Variants in GSE1 observed in about 807,000 individuals in gnomAD.
GSE1 encodes the protein genetic suppressor element 1.
GSE1 carries 32 observed loss-of-function variants against 112.6 expected under a neutral mutation model. The observed-to-expected ratio is 0.28, with a 90% confidence interval of 0.21 to 0.38. The LOEUF (loss-of-function observed/expected upper bound fraction) is 0.38. Among genes scored for constraint, GSE1 ranks in the 10% least tolerant of loss-of-function variants. The pLI is 1.00. For missense variants in GSE1, 2,348 were observed against 1,699.2 expected, an observed-to-expected ratio of 1.38 and a Z score of -6.71; for synonymous variants, 1,115 against 735.6, an observed-to-expected ratio of 1.52 and a Z score of -8.35.
chr16:85,434,536 G>T (rs1376863174), intron 2 of GSE1, among the ~76,000 whole-genome samples: 1 of 152,180 alleles, frequency 6.6e-6, no homozygotes, highest in Non-Finnish European at 1.5e-5. Context: ...GTCAGAGCCA[G>T]GCTGGTCACG....
intron 1 of GSE1, among the ~76,000 whole-genome samples, chr16:85,241,238 G>A (rs1397482702): frequency 2.0e-5 from 3 of 152,188 alleles, no homozygotes; most frequent in Non-Finnish European, 4.4e-5. Context: ...TCAGTTCTTT[G>A]TGTCTGTAAA....
chr16:85,614,200 G>A (rs2048212817), intron 1 of GSE1, among the ~76,000 whole-genome samples: 1 of 150,862 alleles, frequency 6.6e-6, no homozygotes, highest in South Asian at 2.1e-4. Flanking sequence ...TTCCTGCTCC[G>A]CCTGGATGCG....
chr16:85,223,465 G>A (rs1459700831), intron 1 of GSE1, among the ~76,000 whole-genome samples: 1 of 150,662 alleles, frequency 6.6e-6, no homozygotes, highest in African/African-American at 2.4e-5. Flanking sequence ...GGAGGCTGCA[G>A]TGAGCCAAGA....
At chr16:85,385,734 G>A (rs1310468123) in intron 2 of GSE1, among the ~76,000 whole-genome samples, 1 of 152,198 alleles carries the variant, frequency 6.6e-6, no homozygotes, top group African/African-American at 2.4e-5. Context: ...ATCCATCCTG[G>A]AGCCCTTCCG....
At chr16:85,620,727 GTCTCAGCCTTGGGTCTCTGCACTGT>G (rs1267864304) in intron 1 of GSE1, among the ~76,000 whole-genome samples, 7 of 152,282 alleles carry the variant, frequency 4.6e-5, no homozygotes, top group South Asian at 2.1e-4. Flanking sequence ...CGTTTAGATG[GTCTCAGCCTTGGGTCTCTGCACTGT>G]TCTCAGCCCT....
chr16:85,355,554 G>A (rs574425765), intron 1 of GSE1, among the ~76,000 whole-genome samples: 321 of 152,320 alleles, frequency 2.1e-3, no homozygotes, highest in Admixed American at 3.5e-3. Flanking sequence ...GGCTGAGGGC[G>A]GGGAGCAGGG....
At chr16:85,642,920 C>T (rs2050561152) in intron 2 of GSE1, among the ~76,000 whole-genome samples, 1 of 152,124 alleles carries the variant, frequency 6.6e-6, no homozygotes, top group Non-Finnish European at 1.5e-5. Flanking sequence ...AGGCCACGCC[C>T]GCCTCGGTCT....
rs765558880 is a variant in GSE1 at position 85,654,844 on chromosome 16, A to G, written c.650A>G (p.Asp217Gly). ...GTGCCCCCCAGTACCGTGACCGAGG[A>G]CTACCTGAGAAGCTTCCGGCCCTAC... ...HVVPPSTVTE[D>G]YLRSFRPYHT... is the part of the protein sequence containing the mutation. Residue 217 changes from aspartate (D) to glycine (G), a missense_variant, in exon 5 of 16, where the codon GAC (aspartate) becomes GGC (glycine). Asp to Gly is a moderately conservative substitution (Grantham distance 94). Coordinates refer to ENST00000253458, the MANE Select transcript of GSE1 (RefSeq NM_014615.5). 1.2e-6 allele frequency: 2 copies of G among 1,611,566 alleles called. No homozygotes were observed. The highest frequency in any genetic ancestry group is 1.7e-6 in the Non-Finnish European group (2 of 1,179,486).
At chr16:85,619,669 C>G (rs2048606238) in intron 1 of GSE1, among the ~76,000 whole-genome samples, 1 of 152,196 alleles carries the variant, frequency 6.6e-6, no homozygotes, top group African/African-American at 2.4e-5. Flanking sequence ...ATTTCTGTAT[C>G]CAGAGGTGCT....
intron 1 of GSE1, among the ~76,000 whole-genome samples, chr16:85,177,320 T>C (rs2074487717): frequency 6.6e-6 from 1 of 152,226 alleles, no homozygotes; most frequent in Non-Finnish European, 1.5e-5. Context: ...GGGCACCTTT[T>C]ATTGGCTGGG....
chr16:85,229,967 T>A (rs1307155025), intron 1 of GSE1, among the ~76,000 whole-genome samples: 1 of 152,172 alleles, frequency 6.6e-6, no homozygotes, highest in African/African-American at 2.4e-5. Flanking sequence ...GGTCCAGTTG[T>A]CCAGGGCTGT....
At chr16:85,506,559 G>A (rs992630147) in intron 2 of GSE1, among the ~76,000 whole-genome samples, 1 of 152,096 alleles carries the variant, frequency 6.6e-6, no homozygotes, top group East Asian at 1.9e-4. Flanking sequence ...TAGTGCAGAA[G>A]GCGTGTTTTG....
intron 2 of GSE1, among the ~76,000 whole-genome samples, chr16:85,408,097 C>A (rs1367426063): frequency 1.9e-5 from 1 of 53,102 alleles, no homozygotes; most frequent in Non-Finnish European, 3.9e-5. Context: ...CTCAGGGCCC[C>A]CCTGGATAAT....
chr16:85,496,554 G>A (rs1293134832), intron 2 of GSE1, among the ~76,000 whole-genome samples: 1 of 152,250 alleles, frequency 6.6e-6, no homozygotes, highest in Non-Finnish European at 1.5e-5. Context: ...TGGGCAGGGG[G>A]GCCGACCCAC....
chr16:85,235,570 T>G (rs1335703960), intron 1 of GSE1, among the ~76,000 whole-genome samples: 5 of 24,312 alleles, frequency 2.1e-4, no homozygotes, highest in South Asian at 5.1e-3. Context: ...TATGTGTGTG[T>G]GTGGGTGGGG....
intron 2 of GSE1, among the ~76,000 whole-genome samples, chr16:85,369,104 A>G (rs1053098449): frequency 6.6e-6 from 1 of 152,192 alleles, no homozygotes; most frequent in Non-Finnish European, 1.5e-5. Context: ...ACGAGGCTAA[A>G]TTCGAGGTGT....
intron 12 of GSE1, 62 bp from the exon 13 acceptor site, chr16:85,665,914 G>C (rs894687652): frequency 2.0e-6 from 3 of 1,515,210 alleles, no homozygotes; most frequent in African/African-American, 2.7e-5. Flanking sequence ...GGATCTGCGT[G>C]CTGGACACTC....
intron 1 of GSE1, among the ~76,000 whole-genome samples, chr16:85,272,723 C>T (rs1908963976): frequency 6.9e-6 from 1 of 145,620 alleles, no homozygotes; most frequent in South Asian, 2.1e-4. Context: ...TGCAAGGGGG[C>T]CCTACTTCTT....
chr16:85,201,037 G>T (rs2075019021), intron 1 of GSE1, among the ~76,000 whole-genome samples: 1 of 152,112 alleles, frequency 6.6e-6, no homozygotes, highest in African/African-American at 2.4e-5. Context: ...TCGTTGTGTG[G>T]ATCTGTAACC....
Sources: gnomAD v4.1 joint callset for allele counts (sites outside exome capture counted in the v4.1 genomes callset) on GRCh38, gnomAD v4.1.1 for gene constraint, MANE v1.5 for transcripts, NCBI Gene and HGNC (gene_info 2026-07-23, HGNC 2026-07-21) for gene names.